The following SCAF1 variants were observed in gnomAD, a reference collection of about 807,000 sequenced individuals.
The protein encoded by SCAF1 is SR-related CTD associated factor 1.
SCAF1 carries 28 observed loss-of-function variants against 91.2 expected under a neutral mutation model. The observed-to-expected ratio is 0.31, with a 90% CI of 0.23 to 0.42. The LOEUF (loss-of-function observed/expected upper bound fraction) is 0.42. SCAF1 is among the 10% of genes least tolerant of loss of function. SCAF1 has a pLI of 1.00. For synonymous variants in SCAF1, 1,036 were observed against 833.7 expected (o/e 1.24, Z -4.18); for missense variants, 1,893 against 1,872.1 (o/e 1.01, Z -0.21).
At position 49,646,391 on chromosome 19, in the gene SCAF1, C is replaced by A; in HGVS notation, c.262-135C>A. 1 of 881,732 alleles carries A rather than the reference C, an allele frequency of 1.1e-6. No individual in the cohort carries two copies. Among genetic ancestry groups the A allele is most frequent in the Non-Finnish European group, 1.8e-6 (1 of 556,558 alleles). The allele number at this position is 881,732 out of a possible 1,614,324, so 54.6% of individuals were successfully genotyped here. A position where few individuals can be genotyped will look rare whatever the true frequency, so the allele number is the denominator to read the frequency against. On this transcript the variant is annotated intron_variant, in intron 4 of 10. Transcript: ENST00000360565. The surrounding 1 kb of genome is among the most constrained non-coding windows in gnomAD (Gnocchi z 5.6). ...GCTTTGAGTGTTGATGGCAGTCAGG[C>A]TATAGGAATTAGATCCTCAGTTTTC...
intron 6 of SCAF1, among the ~76,000 whole-genome samples, chr19:49,648,787 A>G (rs1445762034): frequency 6.6e-6 from 1 of 152,020 alleles, no homozygotes; most frequent in African/African-American, 2.4e-5. Flanking sequence ...CCTGGCCAAC[A>G]TGGTGAAACC....
At chr19:49,648,452 T>A (rs2081067503) in intron 6 of SCAF1, among the ~76,000 whole-genome samples, 1 of 151,368 alleles carries the variant, frequency 6.6e-6, no homozygotes, top group African/African-American at 2.4e-5. Flanking sequence ...AGAGATGAGG[T>A]CTTGATATGT....
chr19:49,658,095 G>A (rs182624328), intron 10 of SCAF1, 113 bp from the exon 11 acceptor site: 77 of 1,298,330 alleles, frequency 5.9e-5, no homozygotes, highest in Non-Finnish European at 7.4e-5. Context: ...AGGGACTTTG[G>A]CCTGGTTATT....
Position 49,652,712 on chromosome 19 carries a change from G to C in SCAF1, c.2323G>C (p.Gly775Arg), listed in dbSNP as rs758660380. The change falls in exon 7 of 11, where the codon GGG (glycine) becomes CGG (arginine). Residue 775 changes from glycine to arginine, a missense_variant. Around this residue, in one of 5 missense-constraint regions of SCAF1, gnomAD observed 1,436 missense variants for 1,306.8 expected, o/e 1.10. Coordinates refer to ENST00000360565, the MANE Select transcript of SCAF1 (RefSeq NM_021228.3). ...EKGSRRKALDGGDRDRDRDRD... is the reference protein window; with the variant it reads ...EKGSRRKALDRGDRDRDRDRD... ...GGGGTCTCGTCGGAAGGCGCTGGAC[G>C]GGGGTGACCGGGATCGGGACAGGGA... 1.9e-6 allele frequency: 3 copies of C among 1,588,470 alleles called. No homozygotes were observed. Among genetic ancestry groups the C allele is most frequent in the South Asian group, 2.3e-5 (2 of 88,196 alleles).
Position 49,646,576 on chromosome 19 carries a change from G to C in SCAF1, c.312G>C (p.Leu104=). The C allele has an allele frequency of 5.6e-6, 9 of 1,614,082 alleles. No homozygotes were observed. The highest frequency in any genetic ancestry group is 7.6e-6 in the Non-Finnish European group (9 of 1,180,014). The part of the protein sequence containing the change: ...DSFLAGLVSV[L]DPPDTWVPSR... ...TCCTCGCAGGGCTGGTGAGTGTCCTGGATCCCCCGGATACCTGGGTTCCCA... is the reference window on the plus strand; with the variant it reads ...TCCTCGCAGGGCTGGTGAGTGTCCTCGATCCCCCGGATACCTGGGTTCCCA... The change falls in exon 5 of 11, where the codon CTG becomes CTC. Residue 104 remains leucine (L), a synonymous_variant. Transcript: ENST00000360565. The surrounding 1 kb of genome is among the most constrained non-coding windows in gnomAD (Gnocchi z 5.6).
chr19:49,652,117 C>T lies in SCAF1; in HGVS notation c.1728C>T (p.Ser576=). 1 of 1,116,678 alleles carries T rather than the reference C, an allele frequency of 9.0e-7. No individual in the cohort carries two copies. Among genetic ancestry groups the T allele is most frequent in the Non-Finnish European group, 1.1e-6 (1 of 909,236 alleles). 69.2% of individuals were successfully genotyped at this position (1,116,678 alleles called of 1,614,324 possible). A position where few individuals can be genotyped will look rare whatever the true frequency, so the allele number is the denominator to read the frequency against. ...CGTCCGCCCGCCGCCGCTCCCGCTCCCGCTCCCGCTCCCGCTCCACCCGCC... is the reference window on the plus strand; with the variant it reads ...CGTCCGCCCGCCGCCGCTCCCGCTCTCGCTCCCGCTCCCGCTCCACCCGCC... ...ASSSARRRSR[S]RSRSRSTRRR... is the part of the protein sequence containing the mutation. Residue 576 remains serine (S), a synonymous_variant, in exon 7 of 11, where the codon TCC becomes TCT. Coordinates refer to ENST00000360565, the MANE Select transcript of SCAF1 (RefSeq NM_021228.3).
chr19:49,656,598 C>G (rs2081140758), intron 9 of SCAF1, among the ~76,000 whole-genome samples: 1 of 152,240 alleles, frequency 6.6e-6, no homozygotes, highest in South Asian at 2.1e-4. Flanking sequence ...AAGGATTCTG[C>G]CTGAGGCCAG....
At chr19:49,655,440 C>T (rs1011632826) in intron 9 of SCAF1, among the ~76,000 whole-genome samples, 2 of 152,212 alleles carry the variant, frequency 1.3e-5, no homozygotes, top group Non-Finnish European at 2.9e-5. Flanking sequence ...CATCTCGGCT[C>T]ACTGCAGCCT....
intron 6 of SCAF1, among the ~76,000 whole-genome samples, chr19:49,647,672 C>T (rs760994965): frequency 3.3e-5 from 5 of 152,212 alleles, no homozygotes; most frequent in Non-Finnish European, 7.3e-5. Flanking sequence ...CGCTGTGTCG[C>T]CCAGGCTGGA....
At position 49,646,472 on chromosome 19, in the gene SCAF1, T is replaced by G; in HGVS notation, c.262-54T>G. The G allele has an allele frequency of 6.7e-7, 1 of 1,490,388 alleles. No individual in the cohort carries two copies. The highest frequency in any genetic ancestry group is 9.4e-7 in the Non-Finnish European group (1 of 1,069,228). 92.3% of individuals were successfully genotyped at this position (1,490,388 alleles called of 1,614,324 possible). On this transcript the variant is annotated intron_variant, in intron 4 of 10. Coordinates refer to ENST00000360565, the MANE Select transcript of SCAF1 (RefSeq NM_021228.3). The surrounding 1 kb of genome is among the most constrained non-coding windows in gnomAD (Gnocchi z 5.6). ...AGGTTAGGGAGTGGGGAAGCAGGAT[T>G]TGCCAGTCTTCATGTGACCAGGGAC...
Position 49,652,061 on chromosome 19 carries a change from C to CGCT in SCAF1, c.1673_1674insCTG (p.Arg558_Asp559insTrp). ...CTGGGACTCCAAGAAGCACCGCTCG[C>CGCT]GGGACCGCAAGCCCGGCTCCCACGC... On this transcript the variant is annotated inframe_insertion, in exon 7 of 11. Transcript: ENST00000360565. 1 of 1,226,376 alleles carries CGCT rather than the reference C, an allele frequency of 8.2e-7. No homozygotes were observed. The highest frequency in any genetic ancestry group is 5.8e-5 in the East Asian group (1 of 17,354). The allele number at this position is 1,226,376 out of a possible 1,614,324, so 76.0% of individuals were successfully genotyped here.
rs752202548 is a variant in SCAF1, at chr19:49,645,110, G to A, written c.84G>A (p.Thr28=). The change falls in exon 2 of 11, where the codon ACG becomes ACA. Residue 28 remains threonine, a synonymous_variant. Coordinates refer to ENST00000360565, the MANE Select transcript of SCAF1 (RefSeq NM_021228.3). This position sits in a 1 kb window ranked among gnomAD's most constrained non-coding sequence, Gnocchi z 4.6. ...RGDGPPDRDP[T]LSPSAFILRA... The stretch of plus-strand genomic sequence containing the variant: ...ATGGTCCGCCAGACAGAGACCCCAC[G>A]CTTTCTCCTTCTGCCTTTATCCTGG... 9 of 1,614,098 alleles carry A rather than the reference G, an allele frequency of 5.6e-6. No individual in the cohort carries two copies. Among genetic ancestry groups the A allele is most frequent in the East Asian group, 2.2e-5 (1 of 44,878 alleles).
chr19:49,657,716 C>T (rs769149417), intron 9 of SCAF1, 45 bp from the exon 10 acceptor site: 1 of 1,565,030 alleles, frequency 6.4e-7, no homozygotes, highest in Non-Finnish European at 8.7e-7. Context: ...CGCAGGTACT[C>T]ACTGGCCCTT....
At position 49,657,872 on chromosome 19, in the gene SCAF1, A is replaced by C; in HGVS notation, c.3730A>C (p.Arg1244=). The C allele has an allele frequency of 6.2e-7, 1 of 1,611,724 alleles. No homozygotes were observed. The highest frequency in any genetic ancestry group is 8.5e-7 in the Non-Finnish European group (1 of 1,178,928). The part of the protein sequence containing the change: ...ITKEEYKDIL[R]KAVHKICHSK... The stretch of plus-strand genomic sequence containing the variant: ...CAAGGAGGAGTACAAGGACATCCTG[A>C]GGAAGGCCGTCCACAAGGTGGGCAC... The change falls in exon 10 of 11, where the codon AGG becomes CGG. Residue 1244 remains arginine (R), a synonymous_variant. Transcript: ENST00000360565.
At chr19:49,657,723 C>G in intron 9 of SCAF1, 38 bp from the exon 10 acceptor site, 3 of 1,572,414 alleles carry the variant, frequency 1.9e-6, no homozygotes, top group Non-Finnish European at 2.6e-6. Context: ...ACTCACTGGC[C>G]CTTGCTGTGT....
In SCAF1 at chr19:49,645,106, C is replaced by G; in HGVS notation, c.80C>G (p.Pro27Arg). The G allele has an allele frequency of 1.2e-6, 2 of 1,614,134 alleles. No homozygotes were observed. The highest frequency in any genetic ancestry group is 1.7e-6 in the Non-Finnish European group (2 of 1,179,996). Residue 27 changes from proline to arginine, a missense_variant, in exon 2 of 11, where the codon CCC (proline) becomes CGC (arginine). By Grantham distance (103) the Pro-to-Arg change is moderately radical. This residue lies in a region of SCAF1 where 270 missense variants were observed against 292.5 expected (regional missense o/e 0.92). Coordinates refer to ENST00000360565, the MANE Select transcript of SCAF1 (RefSeq NM_021228.3). This position sits in a 1 kb window ranked among gnomAD's most constrained non-coding sequence, Gnocchi z 4.6. ...GGCGATGGTCCGCCAGACAGAGACC[C>G]CACGCTTTCTCCTTCTGCCTTTATC... ...DRGDGPPDRDPTLSPSAFILR... is the reference protein window; with the variant it reads ...DRGDGPPDRDRTLSPSAFILR...
At position 49,646,432 on chromosome 19, in the gene SCAF1, G is replaced by A. The variant is rs2081055489; in HGVS notation, c.262-94G>A. ...CTCAGTTTTCTTGGGGATCTTAGAT[G>A]TCTGGGTTCCTGAGAGGTTAGGGAG... On this transcript the variant is annotated intron_variant, in intron 4 of 10. Coordinates refer to ENST00000360565, the MANE Select transcript of SCAF1 (RefSeq NM_021228.3). This position sits in a 1 kb window ranked among gnomAD's most constrained non-coding sequence, Gnocchi z 5.6. The A allele has an allele frequency of 7.1e-6, 8 of 1,134,530 alleles. No homozygotes were observed. The highest frequency in any genetic ancestry group is 1.1e-5 in the Non-Finnish European group (8 of 756,980). 70.3% of individuals were successfully genotyped at this position (1,134,530 alleles called of 1,614,324 possible). A position where few individuals can be genotyped will look rare whatever the true frequency, so the allele number is the denominator to read the frequency against.
intron 1 of SCAF1, among the ~76,000 whole-genome samples, chr19:49,644,652 T>C (rs1423996931): frequency 1.3e-5 from 2 of 152,092 alleles, no homozygotes; most frequent in East Asian, 3.9e-4. Context: ...ACAAAAAACC[T>C]TGGTGTTGGC....
chr19:49,645,427 G>C lies in SCAF1; in HGVS notation c.166+16G>C. ...AATGATAAAGGTATGGCGGCTTCCG[G>C]TTCCTTTTAGCCCCTGCCCCCTCTC... On this transcript the variant is annotated intron_variant, in intron 3 of 10. Transcript: ENST00000360565. The surrounding 1 kb of genome is among the most constrained non-coding windows in gnomAD (Gnocchi z 4.6). The C allele has an allele frequency of 6.2e-7, 1 of 1,611,146 alleles. No homozygotes were observed. Among genetic ancestry groups the C allele is most frequent in the East Asian group, 2.2e-5 (1 of 44,826 alleles).
Sources: gnomAD v4.1 joint callset for allele counts (sites outside exome capture counted in the v4.1 genomes callset) on GRCh38, gnomAD v4.1.1 for gene constraint, gnomAD v4.1.1 regional missense constraint, Gnocchi (gnomAD v3.1) non-coding constraint, MANE v1.5 for transcripts, NCBI Gene and HGNC (gene_info 2026-07-23, HGNC 2026-07-21) for gene names.